Variants in UNC5D observed in about 807,000 individuals in gnomAD.
UNC5D encodes netrin receptor UNC5D.
Under a neutral mutation model 105.4 loss-of-function variants are expected in UNC5D, and 39 were observed. That is an observed-to-expected ratio of 0.37 (90% CI 0.29 to 0.48). The LOEUF is 0.48. Among genes scored for constraint, UNC5D ranks in the 20% least tolerant of loss-of-function variants. The pLI, the probability that UNC5D is intolerant of heterozygous loss-of-function variation, is 0.98. For missense variants in UNC5D, 991 were observed against 1,202.4 expected, an observed-to-expected ratio of 0.82 and a Z score of 2.60; for synonymous variants, 452 against 450.4, an observed-to-expected ratio of 1.00 and a Z score of -0.04.
In UNC5D at chr8:35,726,569, A is replaced by C. The variant is rs1828887187; in HGVS notation, c.1681+40A>C. The C allele has an allele frequency of 2.5e-6, 4 of 1,590,282 alleles. No individual in the cohort carries two copies. The African/African-American group carries it at 4.0e-5, about 16-fold the overall frequency. ...TGTGTTTGTGTATTTTCCATCATTT[A>C]AATGTTTCATTTTTACACAGTTACT... On this transcript the variant is annotated intron_variant, in intron 10 of 16. Coordinates refer to ENST00000404895, the MANE Select transcript of UNC5D (RefSeq NM_080872.4).
chr8:35,721,618 C>A (rs1352188434), intron 8 of UNC5D: 2 of 669,424 alleles, frequency 3.0e-6, no homozygotes, highest in Non-Finnish European at 5.4e-6. Context: ...CAATAAAATT[C>A]TCTCATAATG....
intron 4 of UNC5D, among the ~76,000 whole-genome samples, chr8:35,604,602 T>C (rs1820145215): frequency 2.0e-5 from 3 of 152,340 alleles, no homozygotes; most frequent in African/African-American, 4.8e-5. Flanking sequence ...CCTTGCTAGA[T>C]TGGGGATGTT....
intron 11 of UNC5D, among the ~76,000 whole-genome samples, chr8:35,743,554 C>T (rs939466282): frequency 7.3e-5 from 11 of 151,710 alleles, no homozygotes; most frequent in African/African-American, 2.4e-4. Context: ...GCTGGGATTA[C>T]AGACATGAGC....
At chr8:35,386,022 T>C (rs1366820554) in intron 1 of UNC5D, among the ~76,000 whole-genome samples, 1 of 152,180 alleles carries the variant, frequency 6.6e-6, no homozygotes, top group Non-Finnish European at 1.5e-5. Flanking sequence ...CTCAGGTGTG[T>C]CCATAGCATG....
chr8:35,435,600 CA>C (rs369185833), intron 1 of UNC5D, among the ~76,000 whole-genome samples: 2 of 151,934 alleles, frequency 1.3e-5, no homozygotes, highest in Non-Finnish European at 2.9e-5. Flanking sequence ...AGAATTCATT[CA>C]AAAAAATGTA....
chr8:35,721,076 A>AT (rs1379735635), intron 8 of UNC5D, among the ~76,000 whole-genome samples: 1 of 152,190 alleles, frequency 6.6e-6, no homozygotes, highest in Non-Finnish European at 1.5e-5. Context: ...GTGCTGCACA[A>AT]TTACAAGGTA....
intron 2 of UNC5D, among the ~76,000 whole-genome samples, chr8:35,566,481 T>G (rs1387376640): frequency 1.3e-5 from 2 of 152,222 alleles, no homozygotes; most frequent in African/African-American, 4.8e-5. Flanking sequence ...TTTAAAAAAA[T>G]AGTTCCATGT....
chr8:35,580,627 G>A (rs562610938), intron 3 of UNC5D, among the ~76,000 whole-genome samples: 2 of 152,136 alleles, frequency 1.3e-5, no homozygotes, highest in Non-Finnish European at 2.9e-5. Context: ...ATGGTCAGTG[G>A]TGTCAATGTG....
chr8:35,767,193 C>T, intron 15 of UNC5D, 127 bp downstream of exon 15: 1 of 1,132,970 alleles, frequency 8.8e-7, no homozygotes, highest in South Asian at 1.9e-5. Flanking sequence ...TCTTCATCTT[C>T]ATTACTGATG....
intron 1 of UNC5D, among the ~76,000 whole-genome samples, chr8:35,415,505 C>G (rs142575251): frequency 6.6e-6 from 1 of 151,912 alleles, no homozygotes; most frequent in African/African-American, 2.4e-5. Context: ...TTGGTTTTAC[C>G]CTATCTCTTA....
Position 35,274,551 on chromosome 8 carries a change from C to T in UNC5D, c.103+38664C>T, listed in dbSNP as rs556684958. Among the ~76,000 whole-genome samples the T allele has an allele frequency of 5.3e-5, 8 of 152,204 alleles. No individual in the cohort carries two copies. In the South Asian group the frequency reaches 1.7e-3, roughly 32 times the overall value. On this transcript the variant is annotated intron_variant, in intron 1 of 16. Coordinates refer to ENST00000404895, the MANE Select transcript of UNC5D (RefSeq NM_080872.4). Reference sequence around the variant, plus strand: ...CGACGGCCTGTGGATTGATGACAAGCGTTTATATCAGCCTGAAGAGAACCT... The same window carrying T: ...CGACGGCCTGTGGATTGATGACAAGTGTTTATATCAGCCTGAAGAGAACCT...
intron 1 of UNC5D, among the ~76,000 whole-genome samples, chr8:35,394,802 C>A (rs1025103903): frequency 4.6e-5 from 7 of 152,108 alleles, no homozygotes; most frequent in African/African-American, 1.4e-4. Context: ...AGTATGATTT[C>A]TCTTATTGCA....
At chr8:35,511,303 G>A (rs1045677879) in intron 1 of UNC5D, among the ~76,000 whole-genome samples, 1 of 151,968 alleles carries the variant, frequency 6.6e-6, no homozygotes, top group Non-Finnish European at 1.5e-5. Context: ...TAATAATTCT[G>A]TGTGCACTCT....
chr8:35,235,926 G>T, intron 1 of UNC5D, 39 bp downstream of exon 1: 6 of 1,221,732 alleles, frequency 4.9e-6, no homozygotes, highest in Non-Finnish European at 6.1e-6. Context: ...GGGCGAGGGC[G>T]CAGGGGCGCC....
At chr8:35,339,595 A>G (rs1462914826) in intron 1 of UNC5D, among the ~76,000 whole-genome samples, 1 of 152,252 alleles carries the variant, frequency 6.6e-6, no homozygotes, top group African/African-American at 2.4e-5. Flanking sequence ...TTGAGCATTT[A>G]GGAGACCTGA....
intron 1 of UNC5D, among the ~76,000 whole-genome samples, chr8:35,467,102 C>A (rs1429286832): frequency 1.3e-5 from 2 of 152,068 alleles, no homozygotes; most frequent in African/African-American, 4.8e-5. Flanking sequence ...TTTGTGATAC[C>A]TTGTGACGCT....
intron 4 of UNC5D, among the ~76,000 whole-genome samples, chr8:35,599,961 C>A (rs887979215): frequency 1.3e-5 from 2 of 151,950 alleles, no homozygotes. Context: ...CCTCCCCCAA[C>A]CCCACAACAG....
At chr8:35,410,349 T>C (rs926561273) in intron 1 of UNC5D, among the ~76,000 whole-genome samples, 2 of 152,174 alleles carry the variant, frequency 1.3e-5, no homozygotes, top group East Asian at 1.9e-4. Context: ...TTTGCCGTAA[T>C]GGTTACTGAG....
chr8:35,315,744 G>T (rs1055299323), intron 1 of UNC5D, among the ~76,000 whole-genome samples: 3 of 152,146 alleles, frequency 2.0e-5, no homozygotes, highest in Non-Finnish European at 4.4e-5. Flanking sequence ...AGTTACCTCG[G>T]ATGTATGGAG....
Sources: gnomAD v4.1 joint callset for allele counts (sites outside exome capture counted in the v4.1 genomes callset) on GRCh38, gnomAD v4.1.1 for gene constraint, MANE v1.5 for transcripts, NCBI Gene and HGNC (gene_info 2026-07-23, HGNC 2026-07-21) for gene names.